RB1: variants seen among roughly 807,000 people sequenced by gnomAD.
RB1 encodes the protein retinoblastoma-associated protein.
RB1 carries 18 observed loss-of-function variants against 135.4 expected under a neutral mutation model. The observed-to-expected ratio is 0.13, with a 90% CI of 0.09 to 0.20. The LOEUF (loss-of-function observed/expected upper bound fraction) is 0.20. Ranked by LOEUF, RB1 falls within the 10% of genes least tolerant of loss-of-function variation. The pLI is 1.00. For synonymous variants in RB1, 365 were observed against 373.2 expected, an observed-to-expected ratio of 0.98 and a Z score of 0.25; for missense variants, 868 against 1,110.0, an observed-to-expected ratio of 0.78 and a Z score of 3.10.
intron 13 of RB1, 150 bp from the exon 14 acceptor site, chr13:48,379,444 G>A (rs998145368): frequency 9.8e-7 from 1 of 1,017,180 alleles, no homozygotes; most frequent in Non-Finnish European, 1.4e-6. Context: ...CAGCCTCTTG[G>A]GAGGCCAAAG....
chr13:48,415,249 A>C (rs1344921695), intron 17 of RB1, among the ~76,000 whole-genome samples: 2 of 151,916 alleles, frequency 1.3e-5, no homozygotes, highest in Middle Eastern at 3.2e-3. Context: ...CACTTAAGTC[A>C]TTCATCTATA....
chr13:48,446,342 C>T (rs1160121180), intron 17 of RB1, among the ~76,000 whole-genome samples: 2 of 152,182 alleles, frequency 1.3e-5, no homozygotes, highest in Non-Finnish European at 2.9e-5. Context: ...AACCTTCTCA[C>T]TTTATTCATT....
rs4151577 is a variant in RB1, at chr13:48,442,326, G to A, written c.1696-10667G>A. Among the ~76,000 whole-genome samples the A allele has an allele frequency of 8.3e-3, 1,265 of 151,948 alleles. 15 individuals carry two copies. Among genetic ancestry groups the A allele is most frequent in the African/African-American group, 0.029 (1,221 of 41,404 alleles). ...CGCCATTCTCCTTCCTCAGCCTCCC[G>A]AGTAGCTGGGACTACAGGCGCATGC... On this transcript the variant is annotated intron_variant, in intron 17 of 26. Coordinates refer to ENST00000267163, the MANE Select transcript of RB1 (RefSeq NM_000321.3).
intron 7 of RB1, among the ~76,000 whole-genome samples, chr13:48,362,520 C>T (rs1013068546): frequency 4.6e-5 from 7 of 151,926 alleles, no homozygotes; most frequent in African/African-American, 7.3e-5. Context: ...GACTAAAATA[C>T]GCTTAGATTT....
At chr13:48,320,302 C>A in intron 2 of RB1, 1 of 1,240,178 alleles carries the variant, frequency 8.1e-7, no homozygotes, top group Non-Finnish European at 1.2e-6. Context: ...CCGAGCAACC[C>A]CGCTGCGCTG....
In RB1 at chr13:48,453,042, C is replaced by G. The variant is rs757198343; in HGVS notation, c.1745C>G (p.Pro582Arg). Residue 582 changes from proline (P) to arginine (R), a missense_variant, in exon 18 of 27, where the codon CCA becomes CGA. Physicochemically the swap from Pro to Arg is moderately radical, Grantham distance 103. This residue lies in a region of RB1 where 641 missense variants were observed against 791.3 expected (regional missense o/e 0.81). Transcript: ENST00000267163. ...AAACAATCAAAGGACCGAGAAGGAC[C>G]AACTGATCACCTTGAATCTGCTTGT... ...LIKQSKDREGPTDHLESACPL... is the reference protein window; with the variant it reads ...LIKQSKDREGRTDHLESACPL... 3.1e-6 allele frequency: 5 copies of G among 1,613,100 alleles called. No individual in the cohort carries two copies. The African/African-American group carries it at 5.3e-5, about 17-fold the overall frequency.
chr13:48,435,509 G>A (rs1206588962), intron 17 of RB1, among the ~76,000 whole-genome samples: 4 of 151,868 alleles, frequency 2.6e-5, no homozygotes, highest in East Asian at 3.9e-4. Flanking sequence ...TTTTCTCTTG[G>A]CCTGTAGCTT....
At chr13:48,382,350 C>T (rs983999620) in intron 17 of RB1, among the ~76,000 whole-genome samples, 3 of 152,310 alleles carry the variant, frequency 2.0e-5, no homozygotes, top group Non-Finnish European at 4.4e-5. Context: ...CACATCCTCT[C>T]CAGCATCTGT....
chr13:48,464,978 T>TTTTTTTTG lies in RB1; in HGVS notation c.2212-16_2212-15insTTTGTTTT. The stretch of plus-strand genomic sequence containing the variant: ...TTTTACTTTTTTTTTTTTTTTTTTT[T>TTTTTTTTG]TTTTACTGTTCTTCCTCAGACATTC... On this transcript the variant is annotated intron_variant, in intron 21 of 26. Coordinates refer to ENST00000267163, the MANE Select transcript of RB1 (RefSeq NM_000321.3). The TTTTTTTTG allele has an allele frequency of 6.9e-7, 1 of 1,452,596 alleles. No homozygotes were observed. The highest frequency in any genetic ancestry group is 9.2e-7 in the Non-Finnish European group (1 of 1,090,734). 90.0% of individuals were successfully genotyped at this position (1,452,596 alleles called of 1,614,324 possible).
At chr13:48,337,412 T>C (rs1952395305) in intron 2 of RB1, among the ~76,000 whole-genome samples, 1 of 152,248 alleles carries the variant, frequency 6.6e-6, no homozygotes. Flanking sequence ...CTTGTTGAAT[T>C]GATCCCTTTA....
intron 2 of RB1, among the ~76,000 whole-genome samples, chr13:48,323,925 T>C (rs1952263138): frequency 6.6e-6 from 1 of 152,086 alleles, no homozygotes; most frequent in African/African-American, 2.4e-5. Flanking sequence ...ATTTTTCTTG[T>C]CATTTTTTTC....
chr13:48,329,948 A>G (rs1410313486), intron 2 of RB1, among the ~76,000 whole-genome samples: 2 of 152,152 alleles, frequency 1.3e-5, no homozygotes, highest in East Asian at 3.8e-4. Flanking sequence ...AAGTATTAAT[A>G]TATTTAAGAA....
At position 48,432,473 on chromosome 13, in the gene RB1, C is replaced by G. The variant is rs540163816; in HGVS notation, c.1696-20520C>G. On this transcript the variant is annotated intron_variant, in intron 17 of 26. Coordinates refer to ENST00000267163, the MANE Select transcript of RB1 (RefSeq NM_000321.3). ...GCCAGTGTTCTGAAACTAAATACTT[C>G]TCGGAGAGTAGCTGTCTCTCATTAA... 3.3e-5 allele frequency among the ~76,000 whole-genome samples: 5 copies of G among 149,890 alleles called. No homozygotes were observed. The South Asian group carries it at 1.1e-3, about 32-fold the overall frequency.
intron 17 of RB1, among the ~76,000 whole-genome samples, chr13:48,422,130 A>G (rs1013846896): frequency 2.0e-5 from 3 of 152,228 alleles, no homozygotes; most frequent in South Asian, 2.1e-4. Flanking sequence ...ATGCGCATCA[A>G]TGATAGACAG....
intron 17 of RB1, among the ~76,000 whole-genome samples, chr13:48,431,292 A>G (rs185771993): frequency 7.6e-4 from 115 of 152,304 alleles, no homozygotes; most frequent in African/African-American, 2.7e-3. Flanking sequence ...AAAAATGACT[A>G]TACATTTGAT....
intron 17 of RB1, among the ~76,000 whole-genome samples, chr13:48,440,692 T>C (rs950101421): frequency 1.3e-5 from 2 of 152,212 alleles, no homozygotes; most frequent in Non-Finnish European, 2.9e-5. Context: ...TTTAAAATTG[T>C]AGTTGCACTC....
rs1297277579 is a variant in RB1 at position 48,362,840 on chromosome 13, T to C, written c.744T>C (p.Gly248=). The C allele has an allele frequency of 3.1e-6, 5 of 1,613,788 alleles. No homozygotes were observed. Among genetic ancestry groups the C allele is most frequent in the Non-Finnish European group, 4.2e-6 (5 of 1,179,806 alleles). ...PYKTAVIPIN[G]SPRTPRRGQN... is the part of the protein sequence containing the mutation. Reference sequence around the variant, plus strand: ...AAACAGCTGTTATACCCATTAATGGTTCACCTCGAACACCCAGGCGAGGTC... The same window carrying C: ...AAACAGCTGTTATACCCATTAATGGCTCACCTCGAACACCCAGGCGAGGTC... The change falls in exon 8 of 27, where the codon GGT becomes GGC. Residue 248 remains glycine (G), a synonymous_variant. Coordinates refer to ENST00000267163, the MANE Select transcript of RB1 (RefSeq NM_000321.3).
Position 48,319,236 on chromosome 13 carries a change from G to C in RB1, c.264+11830G>C. The C allele has an allele frequency of 1.2e-6, 1 of 807,952 alleles. No homozygotes were observed. The highest frequency in any genetic ancestry group is 1.9e-6 in the Non-Finnish European group (1 of 538,192). The allele number at this position is 807,952 out of a possible 1,614,324, so 50.0% of individuals were successfully genotyped here. ...CCTCTAGCTGGGTGTTTTCCTGTGG[G>C]TCTCGCGCAAGGCACTTTTTTGTGG... On this transcript the variant is annotated intron_variant, in intron 2 of 26. Transcript: ENST00000267163. The surrounding 1 kb of genome is among the most constrained non-coding windows in gnomAD (Gnocchi z 5.0).
intron 17 of RB1, among the ~76,000 whole-genome samples, chr13:48,445,914 C>T (rs541319937): frequency 6.6e-6 from 1 of 152,228 alleles, no homozygotes; most frequent in South Asian, 2.1e-4. Flanking sequence ...GCAGATAACA[C>T]ATATTTTTAG....
Sources: allele counts gnomAD v4.1 joint callset (sites outside exome capture counted in the v4.1 genomes callset), GRCh38; gene constraint gnomAD v4.1.1; regional missense constraint gnomAD v4.1.1; non-coding constraint Gnocchi (gnomAD v3.1); transcripts MANE v1.5; gene names NCBI Gene and HGNC (gene_info 2026-07-23, HGNC 2026-07-21).